SCMH1: variants seen among roughly 807,000 people sequenced by gnomAD.
SCMH1 encodes the protein polycomb protein SCMH1.
Under a neutral mutation model 70.8 loss-of-function variants are expected in SCMH1, and 37 were observed. That is an observed-to-expected ratio of 0.52 (90% confidence interval 0.40 to 0.69). The LOEUF (loss-of-function observed/expected upper bound fraction) is 0.69, where lower values mean the gene tolerates loss of function less well. Ranked by LOEUF, SCMH1 falls within the 30% of genes least tolerant of loss-of-function variation. SCMH1 has a pLI of 0.00. For synonymous variants in SCMH1, 292 were observed against 307.4 expected, an observed-to-expected ratio of 0.95 and a Z score of 0.52; for missense variants, 607 against 827.3, an observed-to-expected ratio of 0.73 and a Z score of 3.27.
chr1:41,177,158 G>A (rs563966231), intron 2 of SCMH1, among the ~76,000 whole-genome samples: 5 of 152,306 alleles, frequency 3.3e-5, no homozygotes, highest in African/African-American at 7.2e-5. Context: ...AGCAAACTCC[G>A]ATAGACCTGC....
Position 41,113,595 on chromosome 1 carries a change from T to C in SCMH1, c.502-69A>G. ...GCCATTATGCCAATAGACTACTATC[T>C]AATTTGGATGATTAAAAAGTGACTG... On this transcript the variant is annotated intron_variant, in intron 7 of 14. Transcript: ENST00000337495. This position sits in a 1 kb window ranked among gnomAD's most constrained non-coding sequence, Gnocchi z 4.3. The C allele has an allele frequency of 6.6e-7, 1 of 1,516,184 alleles. No homozygotes were observed. Among genetic ancestry groups the C allele is most frequent in the Non-Finnish European group, 8.8e-7 (1 of 1,131,470 alleles). The allele number at this position is 1,516,184 out of a possible 1,614,324, so 93.9% of individuals were successfully genotyped here.
chr1:41,153,192 T>C (rs993710666), intron 4 of SCMH1, among the ~76,000 whole-genome samples: 5 of 152,252 alleles, frequency 3.3e-5, no homozygotes, highest in African/African-American at 1.2e-4. Flanking sequence ...TCTTCAACTC[T>C]GGCATCTAGA....
At chr1:41,165,741 T>C (rs1646370674) in intron 2 of SCMH1, among the ~76,000 whole-genome samples, 1 of 152,114 alleles carries the variant, frequency 6.6e-6, no homozygotes, top group African/African-American at 2.4e-5. Context: ...GCTGTTTTCT[T>C]GTTGCTGAGT....
chr1:41,161,046 A>G (rs1645979733), intron 3 of SCMH1, 148 bp from the exon 4 acceptor site: 1 of 936,014 alleles, frequency 1.1e-6, no homozygotes, highest in Non-Finnish European at 1.6e-6. Context: ...CTTAGTAGTC[A>G]TTGTGGAAGC....
At chr1:41,149,377 C>A (rs1435250348) in intron 5 of SCMH1, among the ~76,000 whole-genome samples, 1 of 152,118 alleles carries the variant, frequency 6.6e-6, no homozygotes, top group Admixed American at 6.6e-5. Context: ...TTCCATGTCT[C>A]TGCTTAATAT....
At chr1:41,056,793 G>A (rs1452501135) in intron 10 of SCMH1, among the ~76,000 whole-genome samples, 1 of 152,184 alleles carries the variant, frequency 6.6e-6, no homozygotes, top group African/African-American at 2.4e-5. Flanking sequence ...CCAGTCACTG[G>A]GGAGGAGGGG....
chr1:41,085,736 T>C (rs1269925859), intron 8 of SCMH1, among the ~76,000 whole-genome samples: 3 of 152,202 alleles, frequency 2.0e-5, no homozygotes, highest in Middle Eastern at 3.4e-3. Flanking sequence ...AGAAAAAGAA[T>C]GTAAACTATT....
chr1:41,094,618 C>T (rs891908700), intron 8 of SCMH1, among the ~76,000 whole-genome samples: 18 of 151,984 alleles, frequency 1.2e-4, no homozygotes, highest in Non-Finnish European at 1.9e-4. Flanking sequence ...AGCCAGGCAT[C>T]ATGGCTCACG....
chr1:41,164,377 T>A (rs540881303), intron 2 of SCMH1, among the ~76,000 whole-genome samples: 2 of 152,002 alleles, frequency 1.3e-5, no homozygotes, highest in Admixed American at 6.5e-5. Flanking sequence ...AAAAAAAAAA[T>A]TCGTATCTTT....
chr1:41,189,016 T>A (rs893797773), intron 1 of SCMH1, among the ~76,000 whole-genome samples: 5 of 152,000 alleles, frequency 3.3e-5, no homozygotes, highest in Non-Finnish European at 5.9e-5. Context: ...GAAATCAAAA[T>A]GGAAAAGCTG....
At chr1:41,131,216 T>C (rs1416015415) in intron 6 of SCMH1, among the ~76,000 whole-genome samples, 1 of 152,222 alleles carries the variant, frequency 6.6e-6, no homozygotes, top group East Asian at 1.9e-4. Flanking sequence ...GTAGGTTCAT[T>C]TCTGTACTCT....
exon 3 of SCMH1, chr1:41,161,370 A>T (rs1196844745): frequency 3.9e-6 from 6 of 1,550,422 alleles, no homozygotes; most frequent in Non-Finnish European, 5.2e-6. Flanking sequence ...TTACCTTGAT[A>T]TTGGGATGCA....
intron 14 of SCMH1, 128 bp from the exon 16 acceptor site, chr1:41,028,447 G>T: frequency 6.7e-7 from 1 of 1,494,528 alleles, no homozygotes; most frequent in Non-Finnish European, 9.2e-7. Flanking sequence ...CAGTTCACCT[G>T]CTGTGATGCT....
chr1:41,216,340 T>C (rs144978415), intron 1 of SCMH1, among the ~76,000 whole-genome samples: 1 of 152,286 alleles, frequency 6.6e-6, no homozygotes, highest in African/African-American at 2.4e-5. Flanking sequence ...AATAACTCAA[T>C]TGAAAAACAG....
At chr1:41,034,164 G>A (rs552203867) in intron 13 of SCMH1, 116 bp from the exon 14 acceptor site, 72 of 1,408,996 alleles carry the variant, frequency 5.1e-5, no homozygotes, top group Non-Finnish European at 6.3e-5. Context: ...CAAGGGAGCC[G>A]AGGCTAGAAT....
chr1:41,173,416 A>G (rs1035913494), intron 2 of SCMH1, among the ~76,000 whole-genome samples: 13 of 152,230 alleles, frequency 8.5e-5, no homozygotes, highest in African/African-American at 3.1e-4. Flanking sequence ...CCACAATGAA[A>G]TATCATCTTA....
At chr1:41,165,753 G>A (rs137915538) in intron 2 of SCMH1, among the ~76,000 whole-genome samples, 1 of 152,104 alleles carries the variant, frequency 6.6e-6, no homozygotes, top group Admixed American at 6.5e-5. Context: ...TTGCTGAGTA[G>A]TTTGAGTTCC....
chr1:41,060,172 T>C (rs1007808003), intron 10 of SCMH1, among the ~76,000 whole-genome samples: 7 of 151,872 alleles, frequency 4.6e-5, no homozygotes, highest in Non-Finnish European at 8.8e-5. Flanking sequence ...AAATCCCAGA[T>C]TCAGGAAGCT....
exon 2 of SCMH1, chr1:41,186,127 G>T: frequency 6.5e-7 from 1 of 1,539,716 alleles, no homozygotes; most frequent in Non-Finnish European, 8.8e-7. Flanking sequence ...TTACCATTAG[G>T]CTGCATAGTC....
Sources: gnomAD v4.1 joint callset for allele counts (sites outside exome capture counted in the v4.1 genomes callset) on GRCh38, gnomAD v4.1.1 for gene constraint, Gnocchi (gnomAD v3.1) non-coding constraint, MANE v1.5 for transcripts, NCBI Gene and HGNC (gene_info 2026-07-23, HGNC 2026-07-21) for gene names.